The following PPARA variants were observed in gnomAD, a reference collection of about 807,000 sequenced individuals.
PPARA encodes the protein peroxisome proliferator activated receptor alpha, also known as peroxisome proliferator-activated receptor alpha.
In PPARA, 22 loss-of-function variants were observed where a neutral mutation model predicts 42.2. The observed-to-expected ratio is 0.52, with a 90% confidence interval of 0.37 to 0.74. The LOEUF (loss-of-function observed/expected upper bound fraction) is 0.74, where lower values mean the gene tolerates loss of function less well. PPARA is among the 30% of genes least tolerant of loss of function. PPARA has a pLI of 0.00. For synonymous variants in PPARA, 242 were observed against 239.3 expected (o/e 1.01, Z -0.10); for missense variants, 465 against 608.2 (o/e 0.76, Z 2.48).
rs541581924 is a variant in PPARA, at chr22:46,165,530, G to T, written c.-126-11223G>T. Among the ~76,000 whole-genome samples, 15 of 152,344 alleles carry T rather than the reference G, an allele frequency of 9.8e-5. No individual in the cohort carries two copies. The South Asian group carries it at 2.1e-3, about 21-fold the overall frequency. On this transcript the variant is annotated intron_variant, in intron 2 of 8. Coordinates refer to ENST00000407236, the MANE Select transcript of PPARA (RefSeq NM_005036.6). This position sits in a 1 kb window ranked among gnomAD's most constrained non-coding sequence, Gnocchi z 5.5. ...CTGGGGTGTTGGCCAATTTATGAAAGAAGCAGTTAAGAGCCTGAGTGGCAC... is the reference window on the plus strand; with the variant it reads ...CTGGGGTGTTGGCCAATTTATGAAATAAGCAGTTAAGAGCCTGAGTGGCAC...
rs149879517 is a variant in PPARA, at chr22:46,184,696, A to G, written c.-43+7860A>G. On this transcript the variant is annotated intron_variant, in intron 3 of 8. Coordinates refer to ENST00000407236, the MANE Select transcript of PPARA (RefSeq NM_005036.6). This position sits in a 1 kb window ranked among gnomAD's most constrained non-coding sequence, Gnocchi z 4.4. ...ATGGCAAAACCTCTTCTCTACAAAA[A>G]ATACAAAAATTAGCCAGGCGTGGTG... is the stretch of plus-strand genomic sequence containing the variant. Among the ~76,000 whole-genome samples, 1,402 of 152,260 alleles carry G rather than the reference A, an allele frequency of 9.2e-3. 17 individuals carry two copies. Among genetic ancestry groups the G allele is most frequent in the African/African-American group, 0.032 (1,323 of 41,538 alleles).
rs1042459173 is a variant in PPARA at position 46,161,268 on chromosome 22, A to G, written c.-127+9298A>G. Among the ~76,000 whole-genome samples, 1 of 152,198 alleles carries G rather than the reference A, an allele frequency of 6.6e-6. No individual in the cohort carries two copies. The highest frequency in any genetic ancestry group is 1.5e-5 in the Non-Finnish European group (1 of 68,024). On this transcript the variant is annotated intron_variant, in intron 2 of 8. Transcript: ENST00000407236. This position sits in a 1 kb window ranked among gnomAD's most constrained non-coding sequence, Gnocchi z 4.8. ...ATTTTCTAGAAGGAATTTCAGAAGG[A>G]TGTGTGCCCAATTATGGTATCAGGT...
intron 5 of PPARA, among the ~76,000 whole-genome samples, chr22:46,215,959 G>A (rs1934446582): frequency 6.6e-6 from 1 of 152,128 alleles, no homozygotes; most frequent in South Asian, 2.1e-4. Context: ...CCCATCTGTG[G>A]AAAAATTGTC....
chr22:46,163,454 AG>A lies in PPARA; in HGVS notation c.-127+11485del, dbSNP rs1926526063. Reference sequence around the variant, plus strand: ...CTTCAGCCTTTGCTCCGTCACTGATAGTTCTAGCCTGAAAAGCAAATGAGCC... The same window carrying A: ...CTTCAGCCTTTGCTCCGTCACTGATATTCTAGCCTGAAAAGCAAATGAGCC... On this transcript the variant is annotated intron_variant, in intron 2 of 8. Transcript: ENST00000407236. The surrounding 1 kb of genome is among the most constrained non-coding windows in gnomAD (Gnocchi z 4.9). 6.6e-6 allele frequency: 1 copy of A among 152,230 alleles called. No individual in the cohort carries two copies. 9.4% of individuals were successfully genotyped at this position (152,230 alleles called of 1,614,324 possible).
intron 4 of PPARA, among the ~76,000 whole-genome samples, chr22:46,209,115 T>C (rs78515448): frequency 0.012 from 1,873 of 152,334 alleles, 18 homozygotes; most frequent in Non-Finnish European, 0.02. Context: ...GTGCTATTTT[T>C]GTTTTTTTGA....
chr22:46,191,683 C>T lies in PPARA; in HGVS notation c.-42-6659C>T, dbSNP rs900965467. Among the ~76,000 whole-genome samples the T allele has an allele frequency of 5.9e-5, 9 of 152,270 alleles. No individual in the cohort carries two copies. Among genetic ancestry groups the T allele is most frequent in the South Asian group, 2.1e-4 (1 of 4,826 alleles). On this transcript the variant is annotated intron_variant, in intron 3 of 8. Transcript: ENST00000407236. This position sits in a 1 kb window ranked among gnomAD's most constrained non-coding sequence, Gnocchi z 4.6. ...GGGTGACAGCAGGCTGTGGCTGCGG[C>T]GACAGAGCTGAGGTGAATTCTCACA... is the stretch of plus-strand genomic sequence containing the variant.
intron 4 of PPARA, among the ~76,000 whole-genome samples, chr22:46,202,895 A>G (rs946731216): frequency 8.6e-5 from 13 of 151,848 alleles, no homozygotes; most frequent in African/African-American, 3.1e-4. Context: ...GCGAGGGTTC[A>G]GGGCAGGAGA....
At position 46,243,343 on chromosome 22, in the gene PPARA, GCTT is replaced by G. The variant is rs879584812; in HGVS notation, c.*7967_*7969del. 6 of 152,168 alleles carry G rather than the reference GCTT, an allele frequency of 3.9e-5. No individual in the cohort carries two copies. The highest frequency in any genetic ancestry group is 2.1e-4 in the South Asian group (1 of 4,832). 9.4% of individuals were successfully genotyped at this position (152,168 alleles called of 1,614,324 possible). On this transcript the variant is annotated 3_prime_UTR_variant, in exon 9 of 9. Transcript: ENST00000407236. The surrounding 1 kb of genome is among the most constrained non-coding windows in gnomAD (Gnocchi z 5.0). ...TACTCTCAGTATTTTGGGGCTTACA[GCTT>G]CTTATTTGTGCTAAAAAGGTGCAGT...
chr22:46,229,901 G>A (rs1935749810), intron 7 of PPARA, among the ~76,000 whole-genome samples: 1 of 152,152 alleles, frequency 6.6e-6, no homozygotes, highest in Non-Finnish European at 1.5e-5. Flanking sequence ...ATGGTTATCG[G>A]CACCTCCACC....
rs1184578836 is a variant in PPARA, at chr22:46,242,068, C to A, written c.*6688C>A. On this transcript the variant is annotated 3_prime_UTR_variant, in exon 9 of 9. Coordinates refer to ENST00000407236, the MANE Select transcript of PPARA (RefSeq NM_005036.6). The surrounding 1 kb of genome is among the most constrained non-coding windows in gnomAD (Gnocchi z 6.1). ...TGAGGAGGAGGGAGTCTACCTGCCA[C>A]CTCTTCTCTTGCCCCTCTTCTGCCC... 1 of 152,088 alleles carries A rather than the reference C, an allele frequency of 6.6e-6. No individual in the cohort carries two copies. The highest frequency in any genetic ancestry group is 1.5e-5 in the Non-Finnish European group (1 of 68,024). 9.4% of individuals were successfully genotyped at this position (152,088 alleles called of 1,614,324 possible).
In PPARA at chr22:46,167,889, A is replaced by T. The variant is rs903328327; in HGVS notation, c.-126-8864A>T. ...AAGAGTGGGTCTTTACCAAAAAAAA[A>T]AAATAAAAAGCCTGTGCCAGGCACA... is the stretch of plus-strand genomic sequence containing the variant. On this transcript the variant is annotated intron_variant, in intron 2 of 8. Coordinates refer to ENST00000407236, the MANE Select transcript of PPARA (RefSeq NM_005036.6). The surrounding 1 kb of genome is among the most constrained non-coding windows in gnomAD (Gnocchi z 4.1). Among the ~76,000 whole-genome samples the T allele has an allele frequency of 1.5e-4, 23 of 151,992 alleles. No individual in the cohort carries two copies. Among genetic ancestry groups the T allele is most frequent in the Non-Finnish European group, 3.1e-4 (21 of 67,988 alleles).
rs976604792 is a variant in PPARA, at chr22:46,190,568, C to T, written c.-42-7774C>T. 6.6e-6 allele frequency among the ~76,000 whole-genome samples: 1 copy of T among 152,094 alleles called. No homozygotes were observed. Among genetic ancestry groups the T allele is most frequent in the Non-Finnish European group, 1.5e-5 (1 of 68,018 alleles). On this transcript the variant is annotated intron_variant, in intron 3 of 8. Coordinates refer to ENST00000407236, the MANE Select transcript of PPARA (RefSeq NM_005036.6). The surrounding 1 kb of genome is among the most constrained non-coding windows in gnomAD (Gnocchi z 5.6). ...AGGAGTTCGAGACCAGGCTGGGCAACATAGTGAAACCTATCTCTACAAAAA... is the reference window on the plus strand; with the variant it reads ...AGGAGTTCGAGACCAGGCTGGGCAATATAGTGAAACCTATCTCTACAAAAA...
chr22:46,174,249 A>AAGGAAGGAAGGAAG (rs1928615513), intron 2 of PPARA, among the ~76,000 whole-genome samples: 2 of 11,880 alleles, frequency 1.7e-4, no homozygotes, highest in African/African-American at 2.4e-4. Context: ...AAAGAAAGAA[A>AAGGAAGGAAGGAAG]GAAGGAAGGA....
At chr22:46,201,952 C>T (rs1204771150) in intron 4 of PPARA, among the ~76,000 whole-genome samples, 4 of 152,160 alleles carry the variant, frequency 2.6e-5, no homozygotes, top group South Asian at 2.1e-4. Flanking sequence ...GGCAGGCTCC[C>T]GCAGCCCCAC....
rs1398565001 is a variant in PPARA at position 46,161,698 on chromosome 22, C to A, written c.-127+9728C>A. Among the ~76,000 whole-genome samples, 1 of 152,178 alleles carries A rather than the reference C, an allele frequency of 6.6e-6. No individual in the cohort carries two copies. The highest frequency in any genetic ancestry group is 1.5e-5 in the Non-Finnish European group (1 of 68,022). ...CCTAAGGTGTAACACATCCATCCAC[C>A]AGGTATCATTTTTATACACGTGAAG... On this transcript the variant is annotated intron_variant, in intron 2 of 8. Transcript: ENST00000407236. The surrounding 1 kb of genome is among the most constrained non-coding windows in gnomAD (Gnocchi z 4.8).
At chr22:46,154,987 TTAAAAAAAAAAA>T (rs1459438295) in intron 2 of PPARA, 6 of 67,616 alleles carry the variant, frequency 8.9e-5, no homozygotes, top group African/African-American at 1.5e-4. Context: ...TGGTCTTTCT[TTAAAAAAAAAAA>T]AAAAAAAAAA....
rs977527532 is a variant in PPARA at position 46,212,494 on chromosome 22, A to G, written c.209-2679A>G. The stretch of plus-strand genomic sequence containing the variant: ...TTGCTATAATTTTGCCTTTTCCAGA[A>G]CGCCATGAATTTGAAATCATATAGT... On this transcript the variant is annotated intron_variant, in intron 4 of 8. Coordinates refer to ENST00000407236, the MANE Select transcript of PPARA (RefSeq NM_005036.6). The surrounding 1 kb of genome is among the most constrained non-coding windows in gnomAD (Gnocchi z 4.2). Among the ~76,000 whole-genome samples, 1 of 152,184 alleles carries G rather than the reference A, an allele frequency of 6.6e-6. No homozygotes were observed. The highest frequency in any genetic ancestry group is 1.5e-5 in the Non-Finnish European group (1 of 68,036).
chr22:46,159,494 G>A (rs1250012745), intron 2 of PPARA, among the ~76,000 whole-genome samples: 2 of 152,066 alleles, frequency 1.3e-5, no homozygotes, highest in Admixed American at 6.6e-5. Flanking sequence ...ATCTCTGCAC[G>A]GCTTCCCTGT....
rs1207776015 is a variant in PPARA at position 46,219,395 on chromosome 22, A to C, written c.509-417A>C. On this transcript the variant is annotated intron_variant, in intron 6 of 8. Transcript: ENST00000407236. This position sits in a 1 kb window ranked among gnomAD's most constrained non-coding sequence, Gnocchi z 4.8. ...TCATTTAATAGTTTCAGAACATGCT[A>C]ATTGTGATGTGAATGTAAGTCGTTC... Among the ~76,000 whole-genome samples, 2 of 152,190 alleles carry C rather than the reference A, an allele frequency of 1.3e-5. No individual in the cohort carries two copies. Among genetic ancestry groups the C allele is most frequent in the Non-Finnish European group, 2.9e-5 (2 of 68,032 alleles).
Sources: gnomAD v4.1 joint callset for allele counts (sites outside exome capture counted in the v4.1 genomes callset) on GRCh38, gnomAD v4.1.1 for gene constraint, Gnocchi (gnomAD v3.1) non-coding constraint, MANE v1.5 for transcripts, NCBI Gene and HGNC (gene_info 2026-07-23, HGNC 2026-07-21) for gene names.